ZMAT4: variants seen among roughly 807,000 people sequenced by gnomAD.
ZMAT4 encodes zinc finger matrin-type 4.
ZMAT4 carries 17 observed loss-of-function variants against 28.7 expected under a neutral mutation model. That is an observed-to-expected ratio of 0.59 (90% CI 0.41 to 0.89). The LOEUF is 0.89. Ranked by LOEUF, ZMAT4 falls within the 40% of genes least tolerant of loss-of-function variation. The pLI is 0.00. For missense variants in ZMAT4, 240 were observed against 283.8 expected (o/e 0.85, Z 1.11); for synonymous variants, 117 against 109.2 (o/e 1.07, Z -0.44).
chr8:40,673,082 T>A (rs1398983196), intron 5 of ZMAT4, among the ~76,000 whole-genome samples: 1 of 152,214 alleles, frequency 6.6e-6, no homozygotes, highest in Non-Finnish European at 1.5e-5. Flanking sequence ...TCTCCAACTT[T>A]AAATCTATGC....
chr8:40,835,460 T>C (rs78989960), intron 1 of ZMAT4, among the ~76,000 whole-genome samples: 3,296 of 152,332 alleles, frequency 0.022, 118 homozygotes, highest in African/African-American at 0.075. Flanking sequence ...ATTGGCTACC[T>C]GAGTGAAGCA....
intron 4 of ZMAT4, among the ~76,000 whole-genome samples, chr8:40,683,167 C>T (rs1161954830): frequency 6.6e-6 from 1 of 152,182 alleles, no homozygotes. Flanking sequence ...GTGTAACTTA[C>T]ATAAGAGAAG....
intron 3 of ZMAT4, among the ~76,000 whole-genome samples, chr8:40,741,976 C>A (rs931502701): frequency 6.6e-6 from 1 of 152,118 alleles, no homozygotes; most frequent in African/African-American, 2.4e-5. Context: ...TGATGGCTTA[C>A]GCCTGTAATC....
intron 1 of ZMAT4, among the ~76,000 whole-genome samples, chr8:40,835,695 T>C (rs1318879881): frequency 6.6e-6 from 1 of 152,210 alleles, no homozygotes; most frequent in Admixed American, 6.5e-5. Context: ...GAAGCAGAGT[T>C]CTGCACCTGT....
At chr8:40,613,699 C>T (rs998237509) in intron 5 of ZMAT4, among the ~76,000 whole-genome samples, 5 of 152,154 alleles carry the variant, frequency 3.3e-5, no homozygotes, top group African/African-American at 9.7e-5. Flanking sequence ...ATGACACCAC[C>T]AGAGGACAGT....
At chr8:40,564,832 C>G (rs532845593) in intron 6 of ZMAT4, among the ~76,000 whole-genome samples, 1 of 152,234 alleles carries the variant, frequency 6.6e-6, no homozygotes, top group South Asian at 2.1e-4. Context: ...ATTGTGGGCA[C>G]AGGATGAGAT....
rs1458817616 is a variant in ZMAT4 at position 40,674,509 on chromosome 8, T to C, written c.577+195A>G. ...AATAAAAATATGAAAATAAACACTT[T>C]GAAACAAAGGAGATTATAAAAATTA... On this transcript the variant is annotated intron_variant, in intron 5 of 6. Coordinates refer to ENST00000297737, the MANE Select transcript of ZMAT4 (RefSeq NM_024645.3). 7.4e-5 allele frequency: 42 copies of C among 570,224 alleles called. No individual in the cohort carries two copies. In the East Asian group the frequency reaches 1.2e-3, roughly 16 times the overall value. 35.3% of individuals were successfully genotyped at this position (570,224 alleles called of 1,614,324 possible). A position where few individuals can be genotyped will look rare whatever the true frequency, so the allele number is the denominator to read the frequency against.
At chr8:40,801,330 G>A in intron 2 of ZMAT4, among the ~76,000 whole-genome samples, 1 of 112,858 alleles carries the variant, frequency 8.9e-6, no homozygotes, top group South Asian at 2.9e-4. Flanking sequence ...TCTTTCAGAT[G>A]ATACTTTCTT....
chr8:40,737,631 G>A (rs894403550), intron 3 of ZMAT4, among the ~76,000 whole-genome samples: 12 of 152,156 alleles, frequency 7.9e-5, no homozygotes, highest in African/African-American at 2.2e-4. Context: ...AGAGGTGCCC[G>A]TAGCCATGTG....
intron 6 of ZMAT4, 96 bp from the exon 7 acceptor site, chr8:40,532,334 T>A: frequency 9.9e-7 from 1 of 1,008,470 alleles, no homozygotes; most frequent in Non-Finnish European, 1.4e-6. Context: ...CTTCTACTTC[T>A]CATATTACCT....
rs146202108 is a variant in ZMAT4, at chr8:40,677,719, T to C, written c.350-2788A>G. On this transcript the variant is annotated intron_variant, in intron 4 of 6. Transcript: ENST00000297737. Reference sequence around the variant, plus strand: ...TTACATGCTTTGGCAGAGTGTATTATTCCAATAAAATGAATGAAGAATGGG... The same window carrying C: ...TTACATGCTTTGGCAGAGTGTATTACTCCAATAAAATGAATGAAGAATGGG... Among the ~76,000 whole-genome samples, 13 of 152,300 alleles carry C rather than the reference T, an allele frequency of 8.5e-5. No homozygotes were observed. The East Asian group carries it at 2.5e-3, about 29-fold the overall frequency.
chr8:40,532,257 C>CA lies in ZMAT4; in HGVS notation c.675-20dup. On this transcript the variant is annotated intron_variant, in intron 6 of 6. Transcript: ENST00000297737. The stretch of plus-strand genomic sequence containing the variant: ...CTTCAGGCTATAAGACAGAAGGAAA[C>CA]ACAGTGTTACCTTCTTTCATAATTA... The CA allele has an allele frequency of 6.3e-7, 1 of 1,574,964 alleles. No individual in the cohort carries two copies. The highest frequency in any genetic ancestry group is 1.8e-5 in the Admixed American group (1 of 55,564).
chr8:40,697,350 T>C lies in ZMAT4; in HGVS notation c.244A>G (p.Met82Val), dbSNP rs760565266. ...GCCACCACCGCTGAAGTGAATGACA[T>C]GTTGCAGAGTGTGCAGCACTTGTTC... ...DKNKCCTLCN[M>V]SFTSAVVADS... Residue 82 changes from methionine (M) to valine (V), a missense_variant, in exon 4 of 7, where the codon ATG becomes GTG. Physicochemically the swap from Met to Val is conservative, Grantham distance 21. Coordinates refer to ENST00000297737, the MANE Select transcript of ZMAT4 (RefSeq NM_024645.3). 6.2e-6 allele frequency: 10 copies of C among 1,613,838 alleles called. No individual in the cohort carries two copies. In the Admixed American group the frequency reaches 1.2e-4, roughly 19 times the overall value.
chr8:40,823,201 T>C (rs892560552), intron 2 of ZMAT4, among the ~76,000 whole-genome samples: 3 of 151,556 alleles, frequency 2.0e-5, no homozygotes, highest in African/African-American at 7.3e-5. Flanking sequence ...TTACGAAAGA[T>C]CAAATGAATA....
At chr8:40,682,985 T>A (rs1198811525) in intron 4 of ZMAT4, among the ~76,000 whole-genome samples, 1 of 152,206 alleles carries the variant, frequency 6.6e-6, no homozygotes, top group African/African-American at 2.4e-5. Flanking sequence ...CCAAAGGCTG[T>A]AATATTGCAC....
chr8:40,726,873 C>T (rs142610582), intron 3 of ZMAT4, among the ~76,000 whole-genome samples: 240 of 152,278 alleles, frequency 1.6e-3, no homozygotes, highest in African/African-American at 5.5e-3. Context: ...TAATGCGTTC[C>T]GCTTCTTAGA....
At chr8:40,534,164 A>G (rs1802776912) in intron 6 of ZMAT4, among the ~76,000 whole-genome samples, 1 of 152,172 alleles carries the variant, frequency 6.6e-6, no homozygotes, top group African/African-American at 2.4e-5. Context: ...CTTCCTTTTT[A>G]TAGTCATTGT....
At chr8:40,734,239 G>T (rs1399105754) in intron 3 of ZMAT4, among the ~76,000 whole-genome samples, 1 of 152,120 alleles carries the variant, frequency 6.6e-6, no homozygotes, top group Admixed American at 6.5e-5. Context: ...AGGACATTTG[G>T]CATGGCTGGC....
chr8:40,681,669 A>G (rs552413696), intron 4 of ZMAT4, among the ~76,000 whole-genome samples: 1 of 152,210 alleles, frequency 6.6e-6, no homozygotes, highest in East Asian at 1.9e-4. Context: ...TGCTCAATGA[A>G]CATGTGATAA....
Sources: gnomAD v4.1 joint callset for allele counts (sites outside exome capture counted in the v4.1 genomes callset) on GRCh38, gnomAD v4.1.1 for gene constraint, MANE v1.5 for transcripts, NCBI Gene and HGNC (gene_info 2026-07-23, HGNC 2026-07-21) for gene names.